EBF3: variants seen among roughly 807,000 people sequenced by gnomAD.
The protein encoded by EBF3 is EBF transcription factor 3, also known as transcription factor COE3.
In EBF3, 18 loss-of-function variants were observed where a neutral mutation model predicts 77.1. That is an observed-to-expected ratio of 0.23 (90% CI 0.16 to 0.35). The LOEUF (loss-of-function observed/expected upper bound fraction) is 0.35. EBF3 is among the 10% of genes least tolerant of loss of function. The probability of loss-of-function intolerance (pLI) is 1.00; values close to 1 mark genes in which losing one functional copy is unlikely to be tolerated. For missense variants in EBF3, 558 were observed against 860.0 expected (o/e 0.65, Z 4.39); for synonymous variants, 350 against 343.5 (o/e 1.02, Z -0.21).
rs752471105 is a variant in EBF3, at chr10:129,963,502, C to A, written c.156G>T (p.Ala52=). 11 of 1,568,158 alleles carry A rather than the reference C, an allele frequency of 7.0e-6. No individual in the cohort carries two copies. Among genetic ancestry groups the A allele is most frequent in the Non-Finnish European group, 9.5e-6 (11 of 1,157,144 alleles). Residue 52 remains alanine (A), a synonymous_variant, in exon 2 of 17, where the codon GCG becomes GCT. Coordinates refer to ENST00000440978, the MANE Select transcript of EBF3 (RefSeq NM_001375380.1). The surrounding 1 kb of genome is among the most constrained non-coding windows in gnomAD (Gnocchi z 7.1). ...AAQSGVGLAR[A]HFEKQPPSNL... ...TGGAAGGCGGCTGCTTCTCGAAGTG[C>A]GCCCGCGCCAGCCCCACGCCGCTGC...
chr10:129,840,792 C>T (rs941432311), intron 14 of EBF3, 52 bp downstream of exon 14: 18 of 1,574,396 alleles, frequency 1.1e-5, no homozygotes, highest in South Asian at 5.9e-5. Context: ...ACACTCGACT[C>T]GGTAGTGAAT....
intron 7 of EBF3, among the ~76,000 whole-genome samples, chr10:129,874,152 A>G (rs979102977): frequency 1.3e-5 from 2 of 152,164 alleles, no homozygotes; most frequent in Non-Finnish European, 2.9e-5. Context: ...ACTTTTTTTC[A>G]TCTGAAAAGA....
chr10:129,845,888 G>C (rs896893897), intron 11 of EBF3: 3 of 149,822 alleles, frequency 2.0e-5, no homozygotes, highest in Non-Finnish European at 4.4e-5. Context: ...TAATTTGTTA[G>C]AGCACAATTC....
intron 6 of EBF3, among the ~76,000 whole-genome samples, chr10:129,953,081 A>C (rs938819794): frequency 6.6e-6 from 1 of 151,832 alleles, no homozygotes; most frequent in Non-Finnish European, 1.5e-5. Context: ...AGAAAGAAGA[A>C]AGACAGAAAA....
chr10:129,940,724 G>A (rs776415176), intron 6 of EBF3, among the ~76,000 whole-genome samples: 15 of 152,198 alleles, frequency 9.9e-5, no homozygotes, highest in African/African-American at 2.2e-4. Context: ...GAAGAGCAGA[G>A]GTGGCCTCAG....
At position 129,870,670 on chromosome 10, in the gene EBF3, A is replaced by G. The variant is rs1181230675; in HGVS notation, c.782-2758T>C. Among the ~76,000 whole-genome samples, 1 of 152,074 alleles carries G rather than the reference A, an allele frequency of 6.6e-6. No individual in the cohort carries two copies. The highest frequency in any genetic ancestry group is 1.5e-5 in the Non-Finnish European group (1 of 68,008). On this transcript the variant is annotated intron_variant, in intron 8 of 16. Coordinates refer to ENST00000440978, the MANE Select transcript of EBF3 (RefSeq NM_001375380.1). The surrounding 1 kb of genome is among the most constrained non-coding windows in gnomAD (Gnocchi z 4.4). ...ATCGTGACCCCCGCCGGCTCTCCCC[A>G]GGGCCTGCGGGGACTGGCTTATCCT...
Position 129,885,844 on chromosome 10 carries a change from C to T in EBF3, c.555-7995G>A, listed in dbSNP as rs1321590577. Among the ~76,000 whole-genome samples the T allele has an allele frequency of 6.6e-6, 1 of 152,130 alleles. No individual in the cohort carries two copies. The highest frequency in any genetic ancestry group is 1.5e-5 in the Non-Finnish European group (1 of 68,028). ...TTGCCAGCTCCAGGGGAGGCTTTTA[C>T]AGGTTATGCAGAGATTAAGTGCCTA... On this transcript the variant is annotated intron_variant, in intron 6 of 16. Transcript: ENST00000440978. The surrounding 1 kb of genome is among the most constrained non-coding windows in gnomAD (Gnocchi z 4.0).
At position 129,838,004 on chromosome 10, in the gene EBF3, G is replaced by A. The variant is rs542587044; in HGVS notation, c.1873-44C>T. The A allele has an allele frequency of 3.2e-4, 516 of 1,612,894 alleles. 8 individuals are homozygous for A. In the South Asian group the frequency reaches 4.8e-3, roughly 15 times the overall value. On this transcript the variant is annotated intron_variant, in intron 16 of 16. Coordinates refer to ENST00000440978, the MANE Select transcript of EBF3 (RefSeq NM_001375380.1). ...GAGCAGTTACTGCAGGCTCCCCCAC[G>A]CGCCCTCCCGCCAACGCTGACGCGG...
In EBF3 at chr10:129,842,864, G is replaced by C. The variant is rs779414086; in HGVS notation, c.1194+273C>G. Among the ~76,000 whole-genome samples, 5 of 151,456 alleles carry C rather than the reference G, an allele frequency of 3.3e-5. No individual in the cohort carries two copies. ...CCTGGTTCCCAGCGGCACCAACACC[G>C]TCCACCCGCCACTGCACACTGCAGA... On this transcript the variant is annotated intron_variant, in intron 12 of 16. Transcript: ENST00000440978. This position sits in a 1 kb window ranked among gnomAD's most constrained non-coding sequence, Gnocchi z 4.4.
Position 129,958,303 on chromosome 10 carries a change from A to C in EBF3, c.485+631T>G, listed in dbSNP as rs1230848593. On this transcript the variant is annotated intron_variant, in intron 5 of 16. Coordinates refer to ENST00000440978, the MANE Select transcript of EBF3 (RefSeq NM_001375380.1). The stretch of plus-strand genomic sequence containing the variant: ...GCTTTCCTTGCTATTCCTTGCAACT[A>C]TATTTCACATGCCACACATACAAAG... Among the ~76,000 whole-genome samples, 16 of 152,214 alleles carry C rather than the reference A, an allele frequency of 1.1e-4. 1 individual carries two copies.
At chr10:129,930,758 C>T (rs1362650844) in intron 6 of EBF3, among the ~76,000 whole-genome samples, 1 of 141,358 alleles carries the variant, frequency 7.1e-6, no homozygotes, top group Non-Finnish European at 1.5e-5. Flanking sequence ...TAACAAATCC[C>T]CCTCTCATAT....
intron 10 of EBF3, among the ~76,000 whole-genome samples, chr10:129,854,332 C>T (rs1000252520): frequency 2.6e-5 from 4 of 151,972 alleles, no homozygotes; most frequent in Admixed American, 1.3e-4. Flanking sequence ...TGAACTGATC[C>T]GGGCATGATG....
chr10:129,964,077 C>T lies in EBF3; in HGVS notation c.-309G>A. 1 of 985,150 alleles carries T rather than the reference C, an allele frequency of 1.0e-6. No individual in the cohort carries two copies. Among genetic ancestry groups the T allele is most frequent in the Non-Finnish European group, 1.2e-6 (1 of 829,854 alleles). 61.0% of individuals were successfully genotyped at this position (985,150 alleles called of 1,614,324 possible). ...CAGGCGCGCTCAACGTGGTGTCATCCTAGCCAGGCGGCGTCCGCGGCTGCA... is the reference window on the plus strand; with the variant it reads ...CAGGCGCGCTCAACGTGGTGTCATCTTAGCCAGGCGGCGTCCGCGGCTGCA... On this transcript the variant is annotated 5_prime_UTR_variant, in exon 1 of 17. Transcript: ENST00000440978. The surrounding 1 kb of genome is among the most constrained non-coding windows in gnomAD (Gnocchi z 4.5).
At position 129,947,821 on chromosome 10, in the gene EBF3, C is replaced by A. The variant is rs1331911135; in HGVS notation, c.554+9437G>T. 6.6e-6 allele frequency among the ~76,000 whole-genome samples: 1 copy of A among 151,638 alleles called. No homozygotes were observed. The highest frequency in any genetic ancestry group is 2.4e-5 in the African/African-American group (1 of 41,256). ...GTGAAGGATTTCACTTCTAAAACAC[C>A]AAGACACTGAAAGGAAGGAAGCAGA... is the stretch of plus-strand genomic sequence containing the variant. On this transcript the variant is annotated intron_variant, in intron 6 of 16. Transcript: ENST00000440978. This position sits in a 1 kb window ranked among gnomAD's most constrained non-coding sequence, Gnocchi z 4.5.
intron 15 of EBF3, 57 bp downstream of exon 15, chr10:129,840,188 C>A: frequency 2.7e-6 from 4 of 1,462,068 alleles, no homozygotes; most frequent in Non-Finnish European, 3.7e-6. Context: ...ACCCCCACTC[C>A]CATCCCCACC....
chr10:129,922,112 C>T (rs888190952), intron 6 of EBF3, among the ~76,000 whole-genome samples: 6 of 152,214 alleles, frequency 3.9e-5, no homozygotes, highest in Admixed American at 3.9e-4. Context: ...CTCATGCCAG[C>T]CCTGCCTCGA....
rs773513920 is a variant in EBF3 at position 129,952,825 on chromosome 10, G to A, written c.554+4433C>T. 2.6e-5 allele frequency among the ~76,000 whole-genome samples: 4 copies of A among 152,026 alleles called. No homozygotes were observed. Among genetic ancestry groups the A allele is most frequent in the Admixed American group, 6.6e-5 (1 of 15,260 alleles). On this transcript the variant is annotated intron_variant, in intron 6 of 16. Coordinates refer to ENST00000440978, the MANE Select transcript of EBF3 (RefSeq NM_001375380.1). This position sits in a 1 kb window ranked among gnomAD's most constrained non-coding sequence, Gnocchi z 4.7. ...AATATAATGAGTGTTCAGCAAAATC[G>A]GCATTAGGCCCAAATTACACGATAT... is the stretch of plus-strand genomic sequence containing the variant.
chr10:129,894,890 G>C (rs938509182), intron 6 of EBF3, among the ~76,000 whole-genome samples: 1 of 152,220 alleles, frequency 6.6e-6, no homozygotes, highest in Non-Finnish European at 1.5e-5. Flanking sequence ...TCTCCTGCTG[G>C]TGACTTCCTA....
Position 129,848,642 on chromosome 10 carries a change from CCT to C in EBF3, c.1040-164_1040-163del, listed in dbSNP as rs1180173432. Among the ~76,000 whole-genome samples, 1 of 152,168 alleles carries C rather than the reference CCT, an allele frequency of 6.6e-6. No homozygotes were observed. Among genetic ancestry groups the C allele is most frequent in the African/African-American group, 2.4e-5 (1 of 41,418 alleles). On this transcript the variant is annotated intron_variant, in intron 10 of 16. Coordinates refer to ENST00000440978, the MANE Select transcript of EBF3 (RefSeq NM_001375380.1). The surrounding 1 kb of genome is among the most constrained non-coding windows in gnomAD (Gnocchi z 4.4). ...TGTGTCTTAAGGAATAGATTTTCCC[CCT>C]TTCTTTTGCACATAAAAGCAACGAT...
Sources: allele counts gnomAD v4.1 joint callset (sites outside exome capture counted in the v4.1 genomes callset), GRCh38; gene constraint gnomAD v4.1.1; non-coding constraint Gnocchi (gnomAD v3.1); transcripts MANE v1.5; gene names NCBI Gene and HGNC (gene_info 2026-07-23, HGNC 2026-07-21).